The following UBE2E2 variants were observed in gnomAD, a reference collection of about 807,000 sequenced individuals.
The protein encoded by UBE2E2 is ubiquitin-conjugating enzyme E2 E2.
Under a neutral mutation model 24.7 loss-of-function variants are expected in UBE2E2, and 6 were observed. The observed-to-expected ratio is 0.24, with a 90% confidence interval of 0.13 to 0.48. The LOEUF is 0.48. Ranked by LOEUF, UBE2E2 falls within the 20% of genes least tolerant of loss-of-function variation. The pLI is 0.99. For synonymous variants in UBE2E2, 104 were observed against 83.6 expected, an observed-to-expected ratio of 1.24 and a Z score of -1.33; for missense variants, 169 against 245.0, an observed-to-expected ratio of 0.69 and a Z score of 2.07.
intron 3 of UBE2E2, among the ~76,000 whole-genome samples, chr3:23,302,870 T>G (rs1699136569): frequency 6.6e-6 from 1 of 152,110 alleles, no homozygotes; most frequent in Admixed American, 6.6e-5. Context: ...TGTTCTAGAG[T>G]AGTAACTAAC....
chr3:23,420,597 CA>C lies in UBE2E2; in HGVS notation c.228-79008del, dbSNP rs557970362. On this transcript the variant is annotated intron_variant, in intron 3 of 5. Transcript: ENST00000396703. ...GTTTCTTGTATCTGTACTGTAAGGA[CA>C]AATGCTGTTCATAGTTGTAACTTCT... 1.3e-4 allele frequency among the ~76,000 whole-genome samples: 20 copies of C among 152,294 alleles called. 1 individual carries two copies. In the South Asian group the frequency reaches 4.1e-3, roughly 32 times the overall value.
At chr3:23,220,815 C>T (rs1696613627) in intron 3 of UBE2E2, among the ~76,000 whole-genome samples, 1 of 152,190 alleles carries the variant, frequency 6.6e-6, no homozygotes, top group African/African-American at 2.4e-5. Context: ...TAAATGACTA[C>T]AGGTTGTAAC....
chr3:23,570,597 C>T (rs1031324166), intron 5 of UBE2E2, among the ~76,000 whole-genome samples: 1 of 152,108 alleles, frequency 6.6e-6, no homozygotes, highest in Non-Finnish European at 1.5e-5. Context: ...ATGTAAATTT[C>T]ATATAGCCAG....
At chr3:23,525,952 A>G (rs1694986634) in intron 4 of UBE2E2, among the ~76,000 whole-genome samples, 1 of 152,202 alleles carries the variant, frequency 6.6e-6, no homozygotes, top group South Asian at 2.1e-4. Context: ...CTATTTCTGA[A>G]TCACTAATAT....
intron 5 of UBE2E2, among the ~76,000 whole-genome samples, chr3:23,575,309 A>C (rs984195498): frequency 6.6e-6 from 1 of 152,202 alleles, no homozygotes; most frequent in African/African-American, 2.4e-5. Context: ...TGTGATAATA[A>C]CCTATATGAT....
chr3:23,427,259 CAAAAAA>C (rs74787665), intron 3 of UBE2E2, among the ~76,000 whole-genome samples: 3 of 88,486 alleles, frequency 3.4e-5, no homozygotes, highest in Admixed American at 1.2e-4. Context: ...CCATCTCTAC[CAAAAAA>C]AAAAAAAAAA....
At chr3:23,364,846 G>A (rs1696214001) in intron 3 of UBE2E2, among the ~76,000 whole-genome samples, 1 of 152,146 alleles carries the variant, frequency 6.6e-6, no homozygotes, top group Admixed American at 6.5e-5. Context: ...CAATATTCCT[G>A]ATGACCATAG....
intron 4 of UBE2E2, among the ~76,000 whole-genome samples, chr3:23,525,855 G>A (rs1694984315): frequency 6.6e-6 from 1 of 152,162 alleles, no homozygotes; most frequent in African/African-American, 2.4e-5. Flanking sequence ...GGTTAAGGGT[G>A]GGAAGACTTC....
At chr3:23,349,958 C>T (rs139282830) in intron 3 of UBE2E2, among the ~76,000 whole-genome samples, 10,750 of 152,306 alleles carry the variant, frequency 0.071, 502 homozygotes, top group Non-Finnish European at 0.088. Flanking sequence ...CCCCTGACCC[C>T]CGAGCAGCCT....
chr3:23,285,073 T>G (rs1016837040), intron 3 of UBE2E2, among the ~76,000 whole-genome samples: 3 of 152,074 alleles, frequency 2.0e-5, no homozygotes, highest in Non-Finnish European at 2.9e-5. Context: ...ACGCTCTGCC[T>G]CTATGAACTC....
intron 5 of UBE2E2, among the ~76,000 whole-genome samples, chr3:23,556,476 A>C (rs1016964830): frequency 6.7e-6 from 1 of 150,132 alleles, no homozygotes; most frequent in African/African-American, 2.5e-5. Context: ...AAAAAAAGCT[A>C]TACTGAACAA....
chr3:23,216,871 A>G (rs1346431289), intron 2 of UBE2E2, among the ~76,000 whole-genome samples: 5 of 152,152 alleles, frequency 3.3e-5, no homozygotes, highest in Admixed American at 6.6e-5. Context: ...ATTTGATTCT[A>G]TCAGTCATGA....
At chr3:23,305,270 T>G (rs2125269570) in intron 3 of UBE2E2, among the ~76,000 whole-genome samples, 1 of 152,366 alleles carries the variant, frequency 6.6e-6, no homozygotes, top group South Asian at 2.1e-4. Flanking sequence ...CTAATTCAGC[T>G]TGCAGCTTTA....
intron 3 of UBE2E2, among the ~76,000 whole-genome samples, chr3:23,408,052 A>C (rs1274448266): frequency 6.6e-6 from 1 of 152,188 alleles, no homozygotes; most frequent in Admixed American, 6.6e-5. Flanking sequence ...TTAATGAAGA[A>C]TTTATTAAAA....
rs1042477040 is a variant in UBE2E2 at position 23,407,190 on chromosome 3, A to T, written c.228-92418A>T. On this transcript the variant is annotated intron_variant, in intron 3 of 5. Coordinates refer to ENST00000396703, the MANE Select transcript of UBE2E2 (RefSeq NM_152653.4). The surrounding 1 kb of genome is among the most constrained non-coding windows in gnomAD (Gnocchi z 4.0). ...CCCTGACTTTCAGAATGGCCTGGAAAAAAAAAAGGTCTTGACCACTGTGCA... is the reference window on the plus strand; with the variant it reads ...CCCTGACTTTCAGAATGGCCTGGAATAAAAAAAGGTCTTGACCACTGTGCA... Among the ~76,000 whole-genome samples the T allele has an allele frequency of 6.6e-6, 1 of 152,148 alleles. No individual in the cohort carries two copies. The highest frequency in any genetic ancestry group is 2.4e-5 in the African/African-American group (1 of 41,430).
At chr3:23,448,865 G>T (rs142533089) in intron 3 of UBE2E2, among the ~76,000 whole-genome samples, 5 of 152,272 alleles carry the variant, frequency 3.3e-5, no homozygotes, top group Admixed American at 1.3e-4. Context: ...AGGATCTCTG[G>T]TACCTGGTGG....
At chr3:23,299,177 C>G (rs1238064223) in intron 3 of UBE2E2, among the ~76,000 whole-genome samples, 1 of 151,870 alleles carries the variant, frequency 6.6e-6, no homozygotes, top group Non-Finnish European at 1.5e-5. Context: ...ATTCTTCTCT[C>G]TTCTTTATTA....
chr3:23,525,225 C>T (rs924519665), intron 4 of UBE2E2, among the ~76,000 whole-genome samples: 16 of 152,246 alleles, frequency 1.1e-4, no homozygotes, highest in African/African-American at 3.9e-4. Flanking sequence ...ATAATCACCC[C>T]CATCTCAAGA....
intron 3 of UBE2E2, among the ~76,000 whole-genome samples, chr3:23,409,088 G>T (rs1224971389): frequency 2.0e-5 from 3 of 152,120 alleles, no homozygotes; most frequent in African/African-American, 7.2e-5. Context: ...GCATTGTTGG[G>T]CTACATTCCT....
Sources: allele counts gnomAD v4.1 joint callset (sites outside exome capture counted in the v4.1 genomes callset), GRCh38; gene constraint gnomAD v4.1.1; non-coding constraint Gnocchi (gnomAD v3.1); transcripts MANE v1.5; gene names NCBI Gene and HGNC (gene_info 2026-07-23, HGNC 2026-07-21).